EXOC4: variants seen among roughly 807,000 people sequenced by gnomAD.
The protein encoded by EXOC4 is exocyst complex component 4, also known as SEC8-like 1.
A neutral mutation model predicts 107.2 loss-of-function variants in EXOC4; 71 were observed. That is an observed-to-expected ratio of 0.66 (90% CI 0.55 to 0.81). The LOEUF (loss-of-function observed/expected upper bound fraction) is 0.81. Ranked by LOEUF, EXOC4 falls within the 30% of genes least tolerant of loss-of-function variation. The pLI is 0.00. For synonymous variants in EXOC4, 456 were observed against 441.2 expected (o/e 1.03, Z -0.42); for missense variants, 1,108 against 1,189.6 (o/e 0.93, Z 1.01).
At position 134,065,746 on chromosome 7, in the gene EXOC4, T is replaced by C. The variant is rs1221780612; in HGVS notation, c.*1218T>C. ...GGGAAAAATGGAGAATTAAAAAGTG[T>C]TTTGAGAAGCTTAAATGTTTCATGT... On this transcript the variant is annotated 3_prime_UTR_variant, in exon 18 of 18. Coordinates refer to ENST00000253861, the MANE Select transcript of EXOC4 (RefSeq NM_021807.4). The C allele has an allele frequency of 6.6e-6, 1 of 152,180 alleles. No individual in the cohort carries two copies. Among genetic ancestry groups the C allele is most frequent in the Non-Finnish European group, 1.5e-5 (1 of 68,032 alleles). 9.4% of individuals were successfully genotyped at this position (152,180 alleles called of 1,614,324 possible).
Position 134,052,431 on chromosome 7 carries a change from A to G in EXOC4, c.2688-11860A>G, listed in dbSNP as rs372551936. ...CATAGGGTTAATCTTACAAAAAGAAAAAAAGAAAAGAAACCCCTCTTCTTC... is the reference window on the plus strand; with the variant it reads ...CATAGGGTTAATCTTACAAAAAGAAGAAAAGAAAAGAAACCCCTCTTCTTC... On this transcript the variant is annotated intron_variant, in intron 17 of 17. Coordinates refer to ENST00000253861, the MANE Select transcript of EXOC4 (RefSeq NM_021807.4). Among the ~76,000 whole-genome samples, 6 of 152,266 alleles carry G rather than the reference A, an allele frequency of 3.9e-5. No individual in the cohort carries two copies. The East Asian group carries it at 9.7e-4, about 24-fold the overall frequency.
chr7:133,627,503 T>C (rs1311772371), intron 9 of EXOC4, among the ~76,000 whole-genome samples: 1 of 152,212 alleles, frequency 6.6e-6, no homozygotes, highest in East Asian at 1.9e-4. Context: ...TGTAGACTTA[T>C]TTATCTGTTC....
intron 17 of EXOC4, among the ~76,000 whole-genome samples, chr7:134,027,888 G>C (rs552923440): frequency 6.6e-6 from 1 of 152,306 alleles, no homozygotes; most frequent in African/African-American, 2.4e-5. Context: ...CTTGCTCTGA[G>C]AGATGGAGTA....
At chr7:133,279,838 C>T (rs1456849208) in intron 2 of EXOC4, among the ~76,000 whole-genome samples, 4 of 152,086 alleles carry the variant, frequency 2.6e-5, no homozygotes, top group African/African-American at 4.8e-5. Context: ...CATTTTTTGA[C>T]ATTACTTTCA....
chr7:133,422,891 C>G (rs1006940178), intron 7 of EXOC4, among the ~76,000 whole-genome samples: 1 of 152,206 alleles, frequency 6.6e-6, no homozygotes, highest in Admixed American at 6.5e-5. Context: ...GAAAGAATCT[C>G]ATGTTGAAAA....
At chr7:133,486,565 T>C (rs1303710936) in intron 9 of EXOC4, among the ~76,000 whole-genome samples, 1 of 152,162 alleles carries the variant, frequency 6.6e-6, no homozygotes, top group East Asian at 1.9e-4. Flanking sequence ...CTTTGTTGCC[T>C]TCTAGAATTT....
chr7:133,967,242 T>C (rs1476588249), intron 14 of EXOC4, among the ~76,000 whole-genome samples: 1 of 151,764 alleles, frequency 6.6e-6, no homozygotes, highest in East Asian at 1.9e-4. Context: ...GCGGTCTATC[T>C]ATTTTGTTAA....
rs1029241236 is a variant in EXOC4 at position 133,600,786 on chromosome 7, G to A, written c.1418-29259G>A. Among the ~76,000 whole-genome samples the A allele has an allele frequency of 4.6e-5, 7 of 152,190 alleles. No homozygotes were observed. The South Asian group carries it at 1.2e-3, about 27-fold the overall frequency. On this transcript the variant is annotated intron_variant, in intron 9 of 17. Coordinates refer to ENST00000253861, the MANE Select transcript of EXOC4 (RefSeq NM_021807.4). ...CAGATATGTATCTATGTCTCTAACC[G>A]GTGCAGAGTTCTAGCTTACAGCATT...
intron 5 of EXOC4, among the ~76,000 whole-genome samples, chr7:133,345,808 A>C (rs117424370): frequency 0.011 from 1,708 of 152,284 alleles, 18 homozygotes; most frequent in Non-Finnish European, 0.019. Flanking sequence ...GATAGCCCCA[A>C]GTAGCAGTTG....
intron 9 of EXOC4, among the ~76,000 whole-genome samples, chr7:133,578,866 A>G (rs938191158): frequency 1.3e-5 from 2 of 152,180 alleles, no homozygotes; most frequent in Non-Finnish European, 2.9e-5. Context: ...TCATGAAAAA[A>G]TAAAATACAA....
At position 133,844,987 on chromosome 7, in the gene EXOC4, TTA is replaced by T. The variant is rs1798095081; in HGVS notation, c.1734+27444_1734+27445del. On this transcript the variant is annotated intron_variant, in intron 11 of 17. Coordinates refer to ENST00000253861, the MANE Select transcript of EXOC4 (RefSeq NM_021807.4). ...GAATTTTATTTGAAAGGGCCTTTGA[TTA>T]ACTCGAGCCTGAAAATCCAAAGTTG... Among the ~76,000 whole-genome samples the T allele has an allele frequency of 2.0e-5, 3 of 152,300 alleles. No homozygotes were observed. The South Asian group carries it at 6.2e-4, about 32-fold the overall frequency.
chr7:134,078,405 A>G, the EXOC4 span, among the ~76,000 whole-genome samples: 1 of 151,998 alleles, frequency 6.6e-6, no homozygotes, highest in Non-Finnish European at 1.5e-5. Context: ...AAAACCCCCT[A>G]CAAGTTGCCA....
At chr7:133,906,286 A>G (rs944698827) in intron 12 of EXOC4, among the ~76,000 whole-genome samples, 2 of 152,126 alleles carry the variant, frequency 1.3e-5, no homozygotes, top group Non-Finnish European at 2.9e-5. Context: ...GCTTTTGCCA[A>G]CCTAACTTAA....
intron 9 of EXOC4, among the ~76,000 whole-genome samples, chr7:133,589,571 C>G (rs547146146): frequency 1.3e-5 from 2 of 152,188 alleles, no homozygotes; most frequent in East Asian, 1.9e-4. Context: ...TGCAGCAGAT[C>G]GGAGCACAAC....
intron 10 of EXOC4, among the ~76,000 whole-genome samples, chr7:133,808,486 T>G (rs1293700603): frequency 1.3e-5 from 2 of 152,232 alleles, no homozygotes; most frequent in Non-Finnish European, 2.9e-5. Context: ...CTCTGAGGCT[T>G]CTTTCCTTCT....
At chr7:133,562,732 T>A in intron 9 of EXOC4, among the ~76,000 whole-genome samples, 1 of 152,172 alleles carries the variant, frequency 6.6e-6, no homozygotes. Flanking sequence ...ACGAATACAT[T>A]ATTGGGTTCG....
rs1300875092 is a variant in EXOC4, at chr7:133,275,152, C to T, written c.257C>T (p.Ser86Phe). 1 of 1,597,634 alleles carries T rather than the reference C, an allele frequency of 6.3e-7. No individual in the cohort carries two copies. Among genetic ancestry groups the T allele is most frequent in the African/African-American group, 1.3e-5 (1 of 74,440 alleles). Residue 86 changes from serine (S) to phenylalanine (F), a missense_variant, in exon 2 of 18, where the codon TCC becomes TTC. Physicochemically the swap from Ser to Phe is radical, Grantham distance 155. Transcript: ENST00000253861. Reference sequence around the variant, plus strand: ...AGCATCACAGAGCGCATCACTAACTCCCGAAATAAAATAAAGCAGGTATTC... The same window carrying T: ...AGCATCACAGAGCGCATCACTAACTTCCGAAATAAAATAAAGCAGGTATTC... ...YQSITERITN[S>F]RNKIKQVKEN... is the part of the protein sequence containing the mutation.
At chr7:133,801,902 T>G (rs1160398705) in intron 10 of EXOC4, among the ~76,000 whole-genome samples, 1 of 152,214 alleles carries the variant, frequency 6.6e-6, no homozygotes, top group African/African-American at 2.4e-5. Flanking sequence ...CACCCACTTT[T>G]CCAACAAGGT....
At chr7:133,589,224 C>G (rs1046308556) in intron 9 of EXOC4, among the ~76,000 whole-genome samples, 1 of 152,044 alleles carries the variant, frequency 6.6e-6, no homozygotes, top group Admixed American at 6.6e-5. Flanking sequence ...AAAGATTTTT[C>G]AAGATTACCT....
Sources: gnomAD v4.1 joint callset for allele counts (sites outside exome capture counted in the v4.1 genomes callset) on GRCh38, gnomAD v4.1.1 for gene constraint, MANE v1.5 for transcripts, NCBI Gene and HGNC (gene_info 2026-07-23, HGNC 2026-07-21) for gene names.